Variants in ZNF516 observed in about 807,000 individuals in gnomAD.
The protein encoded by ZNF516 is zinc finger protein 516.
ZNF516 carries 19 observed loss-of-function variants against 79.7 expected under a neutral mutation model. The observed-to-expected ratio is 0.24, with a 90% CI of 0.17 to 0.35. The LOEUF is 0.35. Among genes scored for constraint, ZNF516 ranks in the 10% least tolerant of loss-of-function variants. The probability of loss-of-function intolerance (pLI) is 1.00; values close to 1 mark genes in which losing one functional copy is unlikely to be tolerated. For missense variants in ZNF516, 1,678 were observed against 1,679.5 expected (o/e 1.00, Z 0.02); for synonymous variants, 877 against 739.5 (o/e 1.19, Z -3.02).
chr18:76,450,690 GA>G (rs1912353889), intron 2 of ZNF516, among the ~76,000 whole-genome samples: 1 of 152,068 alleles, frequency 6.6e-6, no homozygotes, highest in Non-Finnish European at 1.5e-5. Flanking sequence ...AGCACTTGAC[GA>G]AGTAAAAAAT....
intron 3 of ZNF516, among the ~76,000 whole-genome samples, chr18:76,398,278 T>C (rs1178039428): frequency 6.6e-6 from 1 of 152,202 alleles, no homozygotes; most frequent in Non-Finnish European, 1.5e-5. Context: ...CCAAAACACA[T>C]CCACTGGAGA....
intron 3 of ZNF516, among the ~76,000 whole-genome samples, chr18:76,400,526 GA>G (rs1230528702): frequency 6.6e-6 from 1 of 152,138 alleles, no homozygotes; most frequent in African/African-American, 2.4e-5. Context: ...TCGTTCTGAT[GA>G]ATTCACAACC....
At chr18:76,383,148 C>T (rs906564467) in intron 3 of ZNF516, among the ~76,000 whole-genome samples, 6 of 152,084 alleles carry the variant, frequency 3.9e-5, no homozygotes, top group African/African-American at 9.7e-5. Flanking sequence ...CACAGAGTCC[C>T]GAGCCACCCC....
chr18:76,495,058 C>G (rs1188854265), intron 1 of ZNF516, 86 bp downstream of exon 1: 1 of 146,514 alleles, frequency 6.8e-6, no homozygotes, highest in Non-Finnish European at 1.5e-5. Context: ...CACCAGAGTA[C>G]GGGGCACGTC....
In ZNF516 at chr18:76,362,435, G is replaced by C; in HGVS notation, c.*63C>G. ...CCAGGTCACAGGTGGGAGGCTGCTG[G>C]GACATCGTGAGGGTACTGCTAATGG... On this transcript the variant is annotated 3_prime_UTR_variant, in exon 7 of 7. Coordinates refer to ENST00000443185, the MANE Select transcript of ZNF516 (RefSeq NM_014643.4). The C allele has an allele frequency of 6.5e-7, 1 of 1,538,406 alleles. No individual in the cohort carries two copies.
In ZNF516 at chr18:76,443,146, A is replaced by C. The variant is rs1911830209; in HGVS notation, c.-92T>G. Reference sequence around the variant, plus strand: ...TATCTCTCCATGGTCAGAAGAGCCAAAAGACGTGCCTGCTCCCAGGAGGTG... The same window carrying C: ...TATCTCTCCATGGTCAGAAGAGCCACAAGACGTGCCTGCTCCCAGGAGGTG... On this transcript the variant is annotated 5_prime_UTR_variant, in exon 3 of 7. Coordinates refer to ENST00000443185, the MANE Select transcript of ZNF516 (RefSeq NM_014643.4). 6.2e-6 allele frequency: 9 copies of C among 1,460,378 alleles called. No individual in the cohort carries two copies. Among genetic ancestry groups the C allele is most frequent in the Non-Finnish European group, 8.1e-6 (9 of 1,112,620 alleles). 90.5% of individuals were successfully genotyped at this position (1,460,378 alleles called of 1,614,324 possible).
rs370351695 is a variant in ZNF516, at chr18:76,464,350, C to T, written c.-271-1209G>A. Among the ~76,000 whole-genome samples the T allele has an allele frequency of 7.2e-5, 11 of 152,210 alleles. 1 individual carries two copies. In the South Asian group the frequency reaches 1.0e-3, roughly 14 times the overall value. On this transcript the variant is annotated intron_variant, in intron 1 of 6. Coordinates refer to ENST00000443185, the MANE Select transcript of ZNF516 (RefSeq NM_014643.4). ...TCATACCACTGCACTCCAGGCTGGG[C>T]GACAGAGTGAGACTCAGTCTCAAAA...
chr18:76,449,245 G>A (rs1172475354), intron 2 of ZNF516, among the ~76,000 whole-genome samples: 1 of 152,166 alleles, frequency 6.6e-6, no homozygotes, highest in African/African-American at 2.4e-5. Flanking sequence ...TCTTCACCTT[G>A]GCTTCTCAGG....
At chr18:76,463,651 T>G (rs922476676) in intron 1 of ZNF516, among the ~76,000 whole-genome samples, 1 of 152,160 alleles carries the variant, frequency 6.6e-6, no homozygotes, top group Non-Finnish European at 1.5e-5. Context: ...CATCTGCGTT[T>G]ACAAAACACA....
chr18:76,469,503 A>G (rs1568319215), intron 1 of ZNF516, among the ~76,000 whole-genome samples: 1 of 152,198 alleles, frequency 6.6e-6, no homozygotes, highest in Non-Finnish European at 1.5e-5. Context: ...TGCATTCAAG[A>G]TAAAAGAGCT....
chr18:76,370,705 T>G, intron 5 of ZNF516, 110 bp from the exon 6 acceptor site: 17 of 852,776 alleles, frequency 2.0e-5, no homozygotes, highest in Non-Finnish European at 2.7e-5. Flanking sequence ...CACCAGCGCC[T>G]AGCCTGTGGC....
chr18:76,482,820 C>A (rs1251300619), intron 1 of ZNF516, among the ~76,000 whole-genome samples: 1 of 152,102 alleles, frequency 6.6e-6, no homozygotes, highest in East Asian at 1.9e-4. Context: ...CTCAAACGAG[C>A]CTGCAAAAAT....
chr18:76,427,045 G>GTCCAC (rs1249149761), intron 3 of ZNF516, among the ~76,000 whole-genome samples: 3 of 152,204 alleles, frequency 2.0e-5, no homozygotes, highest in Admixed American at 2.0e-4. Flanking sequence ...GACTGCAAAG[G>GTCCAC]TGAGGATCAG....
chr18:76,417,787 G>C (rs1004483771), intron 3 of ZNF516, among the ~76,000 whole-genome samples: 3 of 152,044 alleles, frequency 2.0e-5, no homozygotes, highest in Non-Finnish European at 4.4e-5. Flanking sequence ...TTCTGCATAA[G>C]TTTCAGAAAG....
chr18:76,380,708 C>T (rs1029922657), intron 3 of ZNF516, among the ~76,000 whole-genome samples: 6 of 152,172 alleles, frequency 3.9e-5, no homozygotes, highest in Non-Finnish European at 7.4e-5. Context: ...GGAATCTTCA[C>T]AATCATTCAT....
intron 1 of ZNF516, among the ~76,000 whole-genome samples, chr18:76,476,377 C>A (rs922092539): frequency 6.6e-6 from 1 of 152,146 alleles, no homozygotes; most frequent in African/African-American, 2.4e-5. Context: ...GCCTTCAGTG[C>A]CAGTTGTCAA....
intron 2 of ZNF516, among the ~76,000 whole-genome samples, chr18:76,457,332 A>C (rs1912792466): frequency 6.6e-6 from 1 of 152,256 alleles, no homozygotes; most frequent in Admixed American, 6.5e-5. Flanking sequence ...TGAGAAGGGC[A>C]GTTATCTCAA....
Position 76,407,081 on chromosome 18 carries a change from C to T in ZNF516, c.1811-26778G>A, listed in dbSNP as rs903662901. Among the ~76,000 whole-genome samples, 8 of 152,234 alleles carry T rather than the reference C, an allele frequency of 5.3e-5. 1 individual carries two copies. The highest frequency in any genetic ancestry group is 1.9e-4 in the African/African-American group (8 of 41,546). On this transcript the variant is annotated intron_variant, in intron 3 of 6. Coordinates refer to ENST00000443185, the MANE Select transcript of ZNF516 (RefSeq NM_014643.4). Reference sequence around the variant, plus strand: ...AGGTTAGAACGGCTCTGGATTCCTCCGCTACAAAATGAGTTAATTCTACTT... The same window carrying T: ...AGGTTAGAACGGCTCTGGATTCCTCTGCTACAAAATGAGTTAATTCTACTT...
At chr18:76,496,275 C>T (rs1335228791), upstream of ZNF516, 2 of 1,287,556 alleles carry the variant, frequency 1.6e-6, no homozygotes, top group Non-Finnish European at 1.0e-6. Context: ...TCTTCTCCCA[C>T]CAGGCTCCTG....
Sources: allele counts gnomAD v4.1 joint callset (sites outside exome capture counted in the v4.1 genomes callset), GRCh38; gene constraint gnomAD v4.1.1; transcripts MANE v1.5; gene names NCBI Gene and HGNC (gene_info 2026-07-23, HGNC 2026-07-21).